The following SUMF1 variants were observed in gnomAD, a reference collection of about 807,000 sequenced individuals.
The protein encoded by SUMF1 is sulfatase modifying factor 1.
A neutral mutation model predicts 47.6 loss-of-function variants in SUMF1; 48 were observed. The ratio of observed to expected loss-of-function variants is 1.01; its 90% CI spans 0.80 to 1.28. The LOEUF (loss-of-function observed/expected upper bound fraction) is 1.28, where lower values mean the gene tolerates loss of function less well. Ranked by LOEUF, SUMF1 falls within the 50% of genes most tolerant of loss-of-function variation. The pLI, the probability that SUMF1 is intolerant of heterozygous loss-of-function variation, is 0.00. For synonymous variants in SUMF1, 230 were observed against 192.1 expected (o/e 1.20, Z -1.63); for missense variants, 571 against 485.4 (o/e 1.18, Z -1.66).
intron 8 of SUMF1, among the ~76,000 whole-genome samples, chr3:4,192,422 T>C (rs1039540111): frequency 6.6e-5 from 10 of 152,072 alleles, no homozygotes; most frequent in Non-Finnish European, 1.3e-4. Flanking sequence ...CAATGGTTAA[T>C]AGTCCTTTAG....
At chr3:4,277,497 T>G (rs970208713) in intron 8 of SUMF1, among the ~76,000 whole-genome samples, 11 of 151,658 alleles carry the variant, frequency 7.3e-5, no homozygotes, top group Non-Finnish European at 1.6e-4. Flanking sequence ...CCAGACCTAA[T>G]AAGAAGAACA....
intron 8 of SUMF1, among the ~76,000 whole-genome samples, chr3:4,352,472 C>A (rs529372848): frequency 1.3e-5 from 2 of 152,230 alleles, no homozygotes; most frequent in Admixed American, 6.5e-5. Context: ...CAGAAAGTAA[C>A]ACTTTCACCT....
At chr3:4,246,130 G>C (rs1253256309) in intron 8 of SUMF1, among the ~76,000 whole-genome samples, 1 of 152,114 alleles carries the variant, frequency 6.6e-6, no homozygotes, top group Admixed American at 6.5e-5. Flanking sequence ...GCCGTATTTG[G>C]GCAGAAGTGC....
intron 3 of SUMF1, among the ~76,000 whole-genome samples, chr3:4,441,680 G>C (rs1048856468): frequency 1.3e-5 from 2 of 152,060 alleles, no homozygotes; most frequent in Non-Finnish European, 2.9e-5. Flanking sequence ...TAATAATCAT[G>C]AGTAATTCAT....
In SUMF1 at chr3:4,249,075, T is replaced by C. The variant is rs78543942; in HGVS notation, c.1014+127255A>G. 1.6e-3 allele frequency among the ~76,000 whole-genome samples: 238 copies of C among 152,270 alleles called. 2 individuals carry two copies. Among genetic ancestry groups the C allele is most frequent in the African/African-American group, 4.9e-3 (203 of 41,558 alleles). ...GGAGCCACTTGGCCCATGAGGCACA[T>C]GGGGTCACCTGCTCCTAACTCAGAA... On this transcript the variant is annotated intron_variant and NMD_transcript_variant, in intron 8 of 12. Coordinates refer to the SUMF1 transcript ENST00000448413.
chr3:4,180,683 A>AACACACACACAAACACACACAC (rs1553606608), intron 8 of SUMF1, among the ~76,000 whole-genome samples: 6 of 139,734 alleles, frequency 4.3e-5, no homozygotes, highest in Non-Finnish European at 9.2e-5. Context: ...CCTAGAACTT[A>AACACACACACAAACACACACAC]ACACACACAC....
chr3:4,327,215 G>C (rs1698964218), intron 8 of SUMF1, among the ~76,000 whole-genome samples: 1 of 152,140 alleles, frequency 6.6e-6, no homozygotes, highest in Admixed American at 6.5e-5. Context: ...TATTAGTTCA[G>C]TCCCATGCAA....
chr3:4,429,789 G>C (rs1702178083), intron 3 of SUMF1, among the ~76,000 whole-genome samples: 1 of 152,078 alleles, frequency 6.6e-6, no homozygotes, highest in South Asian at 2.1e-4. Flanking sequence ...ACAGCCACAA[G>C]AACACAGAAC....
Position 4,252,352 on chromosome 3 carries a change from G to A in SUMF1, c.1014+123978C>T, listed in dbSNP as rs1023831958. ...GGATTCGCTCCAAATACACACATGCGCACACACACACACACACACACACAC... is the reference window on the plus strand; with the variant it reads ...GGATTCGCTCCAAATACACACATGCACACACACACACACACACACACACAC... On this transcript the variant is annotated intron_variant and NMD_transcript_variant, in intron 8 of 12. Transcript: ENST00000448413. 1.9e-4 allele frequency among the ~76,000 whole-genome samples: 24 copies of A among 129,672 alleles called. No homozygotes were observed. In the East Asian group the frequency reaches 3.1e-3, roughly 17 times the overall value. The allele number at this position is 129,672 out of a possible 152,430, so 85.1% of individuals were successfully genotyped here.
At chr3:4,336,380 T>G (rs906312779) in intron 8 of SUMF1, among the ~76,000 whole-genome samples, 1 of 152,154 alleles carries the variant, frequency 6.6e-6, no homozygotes, top group African/African-American at 2.4e-5. Flanking sequence ...CATTGTGTAT[T>G]GTCTCGTGCT....
At chr3:4,285,231 T>C (rs917763339) in intron 8 of SUMF1, among the ~76,000 whole-genome samples, 1 of 152,194 alleles carries the variant, frequency 6.6e-6, no homozygotes, top group Non-Finnish European at 1.5e-5. Context: ...CTTAATAGTA[T>C]CTCCTCTTTC....
intron 8 of SUMF1, among the ~76,000 whole-genome samples, chr3:4,297,440 T>C (rs1331658685): frequency 6.6e-6 from 1 of 152,086 alleles, no homozygotes; most frequent in Admixed American, 6.6e-5. Context: ...TCTCTCTCCG[T>C]CGCCCAATCC....
chr3:4,172,897 C>T (rs1488180744), intron 8 of SUMF1, among the ~76,000 whole-genome samples: 1 of 152,132 alleles, frequency 6.6e-6, no homozygotes, highest in African/African-American at 2.4e-5. Context: ...GTTGCCATTG[C>T]TTTTGGCATT....
At chr3:4,153,207 G>A (rs928284728) in intron 8 of SUMF1, among the ~76,000 whole-genome samples, 2 of 151,256 alleles carry the variant, frequency 1.3e-5, no homozygotes, top group African/African-American at 4.9e-5. Flanking sequence ...AATTACTTGA[G>A]GATTTTCTTT....
chr3:4,202,955 C>T (rs1049633100), intron 8 of SUMF1, among the ~76,000 whole-genome samples: 4 of 151,584 alleles, frequency 2.6e-5, no homozygotes, highest in Non-Finnish European at 3.0e-5. Context: ...ATATTATTTC[C>T]ATTTTTTTTA....
At chr3:4,394,807 A>T (rs1041472614) in intron 7 of SUMF1, among the ~76,000 whole-genome samples, 2 of 152,142 alleles carry the variant, frequency 1.3e-5, no homozygotes, top group Non-Finnish European at 2.9e-5. Context: ...GCAGGTCTGT[A>T]TTTAGCTCTG....
intron 1 of SUMF1, among the ~76,000 whole-genome samples, chr3:4,456,710 ATATATACATATATATACGTGTG>A (rs2079625148): frequency 7.2e-6 from 1 of 138,702 alleles, no homozygotes; most frequent in Non-Finnish European, 1.6e-5. Flanking sequence ...ATATACGTAT[ATATATACATATATATACGTGTG>A]TATATATACA....
chr3:4,329,839 T>C (rs66459736), intron 8 of SUMF1, among the ~76,000 whole-genome samples: 42,385 of 152,004 alleles, frequency 0.28, 7,232 homozygotes, highest in Non-Finnish European at 0.39. Flanking sequence ...CTTCTAAACA[T>C]AGTTGCAATT....
At chr3:4,041,226 C>T (rs1450172360) in intron 9 of SUMF1, among the ~76,000 whole-genome samples, 3 of 152,180 alleles carry the variant, frequency 2.0e-5, no homozygotes, top group African/African-American at 7.2e-5. Flanking sequence ...CACACACCAC[C>T]ATGCCCAGGT....
Sources: allele counts gnomAD v4.1 joint callset (sites outside exome capture counted in the v4.1 genomes callset), GRCh38; gene constraint gnomAD v4.1.1; transcripts MANE v1.5; gene names NCBI Gene and HGNC (gene_info 2026-07-23, HGNC 2026-07-21).